The following RERG variants were observed in gnomAD, a reference collection of about 807,000 sequenced individuals.
The protein encoded by RERG is RAS like estrogen regulated growth inhibitor, also known as ras-related and estrogen-regulated growth inhibitor.
A neutral mutation model predicts 23.2 loss-of-function variants in RERG; 25 were observed. That is an observed-to-expected ratio of 1.08 (90% CI 0.79 to 1.50). The LOEUF (loss-of-function observed/expected upper bound fraction) is 1.50. Ranked by LOEUF, RERG falls within the 40% of genes most tolerant of loss-of-function variation. The probability of loss-of-function intolerance (pLI) is 0.00; values close to 1 mark genes in which losing one functional copy is unlikely to be tolerated. For synonymous variants in RERG, 81 were observed against 89.1 expected (o/e 0.91, Z 0.51); for missense variants, 253 against 250.1 (o/e 1.01, Z -0.08).
chr12:15,110,502 G>A (rs1324780579), intron 4 of RERG, among the ~76,000 whole-genome samples: 2 of 76,750 alleles, frequency 2.6e-5, no homozygotes, highest in Non-Finnish European at 5.0e-5. Context: ...TTACTGAGAC[G>A]GAGTCTCACT....
At chr12:15,126,915 T>G (rs1411703831) in intron 2 of RERG, among the ~76,000 whole-genome samples, 1 of 152,028 alleles carries the variant, frequency 6.6e-6, no homozygotes, top group East Asian at 1.9e-4. Context: ...AGACAGAGTT[T>G]CACCGTGTTA....
At chr12:15,154,570 T>C (rs943695992) in intron 2 of RERG, among the ~76,000 whole-genome samples, 2 of 152,208 alleles carry the variant, frequency 1.3e-5, no homozygotes, top group African/African-American at 4.8e-5. Flanking sequence ...AATGAGAAAT[T>C]TGCAGAATGG....
intron 2 of RERG, among the ~76,000 whole-genome samples, chr12:15,141,616 G>A (rs867442213): frequency 1.3e-5 from 2 of 152,158 alleles, no homozygotes; most frequent in South Asian, 4.1e-4. Flanking sequence ...TCTTGCCTAT[G>A]ATTTTCTGTA....
chr12:15,219,862 T>C (rs1282370762), intron 1 of RERG, among the ~76,000 whole-genome samples: 1 of 152,240 alleles, frequency 6.6e-6, no homozygotes, highest in South Asian at 2.1e-4. Context: ...TCACATTTTT[T>C]AGTAACTCCC....
At chr12:15,124,346 A>G (rs1345067452) in intron 2 of RERG, among the ~76,000 whole-genome samples, 4 of 152,106 alleles carry the variant, frequency 2.6e-5, no homozygotes, top group African/African-American at 4.8e-5. Flanking sequence ...TTTTAAAATG[A>G]AAATTAATTA....
intron 2 of RERG, among the ~76,000 whole-genome samples, chr12:15,123,258 TAGAC>T (rs1442860769): frequency 7.2e-5 from 11 of 152,202 alleles, no homozygotes; most frequent in African/African-American, 2.2e-4. Flanking sequence ...AAAAATGTAT[TAGAC>T]AGTCCATCAG....
chr12:15,148,207 T>G lies in RERG; in HGVS notation c.62-27088A>C, dbSNP rs7310964. ...AGAAAACATCCAAAATACAAGGCTG[T>G]ATGTAGGTGGATTCAAAACAAAACA... On this transcript the variant is annotated intron_variant, in intron 2 of 4. Transcript: ENST00000256953. Among the ~76,000 whole-genome samples the G allele has an allele frequency of 8.6e-3, 1,312 of 152,206 alleles. 15 individuals are homozygous for G. Among genetic ancestry groups the G allele is most frequent in the African/African-American group, 0.03 (1,236 of 41,510 alleles).
intron 2 of RERG, among the ~76,000 whole-genome samples, chr12:15,182,403 C>T (rs1031263556): frequency 6.6e-6 from 1 of 152,128 alleles, no homozygotes; most frequent in Non-Finnish European, 1.5e-5. Context: ...GCTAAAAGAA[C>T]TCTCCATCCT....
chr12:15,109,915 C>G (rs1189126649), intron 4 of RERG, among the ~76,000 whole-genome samples: 1 of 152,140 alleles, frequency 6.6e-6, no homozygotes, highest in African/African-American at 2.4e-5. Flanking sequence ...TTTTAAGTAT[C>G]AGAATTAGAG....
intron 2 of RERG, among the ~76,000 whole-genome samples, chr12:15,161,151 A>T (rs1291318380): frequency 1.1e-5 from 1 of 90,802 alleles, no homozygotes; most frequent in Non-Finnish European, 2.3e-5. Context: ...AGAAAGAAAG[A>T]AAGAAAGAAA....
intron 3 of RERG, among the ~76,000 whole-genome samples, chr12:15,116,476 T>C (rs1184870357): frequency 6.6e-6 from 1 of 152,200 alleles, no homozygotes; most frequent in Non-Finnish European, 1.5e-5. Flanking sequence ...AAAAATTATA[T>C]GAAGTTGTGT....
chr12:15,169,655 A>T (rs1031460279), intron 2 of RERG, among the ~76,000 whole-genome samples: 4 of 152,148 alleles, frequency 2.6e-5, no homozygotes, highest in Non-Finnish European at 5.9e-5. Context: ...TAATAAATCT[A>T]TTTACATGAA....
chr12:15,111,436 A>C lies in RERG; in HGVS notation c.119-19T>G. ...GTTGATTCTAAGGGAATGAGCAAAT[A>C]AAAAAGACAAAAAGATAAATAAATG... On this transcript the variant is annotated intron_variant, in intron 3 of 4. Transcript: ENST00000256953. 6.4e-7 allele frequency: 1 copy of C among 1,566,276 alleles called. No homozygotes were observed.
intron 2 of RERG, among the ~76,000 whole-genome samples, chr12:15,167,167 G>A (rs923241127): frequency 2.6e-5 from 4 of 152,170 alleles, no homozygotes; most frequent in Admixed American, 2.6e-4. Context: ...AATTAAGCCT[G>A]CCTGGAGGCC....
chr12:15,144,590 A>T (rs1176592365), intron 2 of RERG, among the ~76,000 whole-genome samples: 1 of 152,220 alleles, frequency 6.6e-6, no homozygotes, highest in Admixed American at 6.5e-5. Flanking sequence ...AATAAACACG[A>T]TGAGAACTGG....
At chr12:15,130,226 T>G (rs1248509848) in intron 2 of RERG, among the ~76,000 whole-genome samples, 4 of 152,158 alleles carry the variant, frequency 2.6e-5, no homozygotes, top group Non-Finnish European at 5.9e-5. Context: ...AGCCTGAAGC[T>G]GTAGGGAGTG....
At chr12:15,209,796 C>T (rs1332403264) in intron 2 of RERG, among the ~76,000 whole-genome samples, 4 of 152,056 alleles carry the variant, frequency 2.6e-5, no homozygotes, top group African/African-American at 9.7e-5. Context: ...CTGAATGATA[C>T]AAAATGAAAA....
chr12:15,152,873 A>G (rs1253405516), intron 2 of RERG, among the ~76,000 whole-genome samples: 1 of 152,194 alleles, frequency 6.6e-6, no homozygotes, highest in Non-Finnish European at 1.5e-5. Context: ...TTCTTAAAAT[A>G]TAACACTGCT....
chr12:15,203,178 G>GT (rs1375098540), intron 2 of RERG, among the ~76,000 whole-genome samples: 3 of 151,500 alleles, frequency 2.0e-5, no homozygotes, highest in Admixed American at 6.6e-5. Flanking sequence ...TTTTGTTTTT[G>GT]TTTTTGCTGA....
Sources: allele counts gnomAD v4.1 joint callset (sites outside exome capture counted in the v4.1 genomes callset), GRCh38; gene constraint gnomAD v4.1.1; transcripts MANE v1.5; gene names NCBI Gene and HGNC (gene_info 2026-07-23, HGNC 2026-07-21).